Variants in CMTM8 observed in about 807,000 individuals in gnomAD.
The protein encoded by CMTM8 is CKLF-like MARVEL transmembrane domain-containing protein 8.
CMTM8 carries 12 observed loss-of-function variants against 18.6 expected under a neutral mutation model. The observed-to-expected ratio is 0.65, with a 90% CI of 0.41 to 1.05. CMTM8 has a LOEUF of 1.05. Among genes scored for constraint, CMTM8 ranks in the 50% least tolerant of loss-of-function variants. The pLI is 0.00. For missense variants in CMTM8, 217 were observed against 227.2 expected, an observed-to-expected ratio of 0.95 and a Z score of 0.29; for synonymous variants, 87 against 90.6, an observed-to-expected ratio of 0.96 and a Z score of 0.23.
intron 1 of CMTM8, among the ~76,000 whole-genome samples, chr3:32,283,590 A>T (rs1702636766): frequency 6.6e-6 from 1 of 152,214 alleles, no homozygotes; most frequent in Non-Finnish European, 1.5e-5. Flanking sequence ...CAGGCCGGGC[A>T]GTTGACCGTC....
chr3:32,293,472 C>T (rs1462189033), intron 1 of CMTM8, among the ~76,000 whole-genome samples: 2 of 152,102 alleles, frequency 1.3e-5, no homozygotes, highest in South Asian at 2.1e-4. Flanking sequence ...TGCTTGAATC[C>T]GGGAGGCGGA....
Position 32,370,073 on chromosome 3 carries a change from GT to G in CMTM8, c.*112del. 1 of 580,276 alleles carries G rather than the reference GT, an allele frequency of 1.7e-6. No homozygotes were observed. Among genetic ancestry groups the G allele is most frequent in the Non-Finnish European group, 2.9e-6 (1 of 346,508 alleles). 35.9% of individuals were successfully genotyped at this position (580,276 alleles called of 1,614,324 possible). On this transcript the variant is annotated 3_prime_UTR_variant, in exon 4 of 4. Coordinates refer to ENST00000307526, the MANE Select transcript of CMTM8 (RefSeq NM_178868.5). Reference sequence around the variant, plus strand: ...AGAGAATTGTATTTAACTAATTAATGTTTTTTATATTCTTAAATTTGCTCAC... The same window carrying G: ...AGAGAATTGTATTTAACTAATTAATGTTTTTATATTCTTAAATTTGCTCAC...
chr3:32,365,746 G>A (rs1461210320), intron 2 of CMTM8, among the ~76,000 whole-genome samples: 2 of 152,036 alleles, frequency 1.3e-5, no homozygotes, highest in East Asian at 3.9e-4. Flanking sequence ...TGCACCCAGC[G>A]GAATTTTTAA....
chr3:32,238,375 T>C (rs1052430307), upstream of CMTM8: 5 of 152,058 alleles, frequency 3.3e-5, no homozygotes, highest in African/African-American at 1.2e-4. Context: ...GGGGCCCCAA[T>C]GCCCGCAGCC....
chr3:32,355,651 C>A (rs977840866), intron 1 of CMTM8, among the ~76,000 whole-genome samples: 2 of 152,178 alleles, frequency 1.3e-5, no homozygotes, highest in African/African-American at 2.4e-5. Context: ...CTAGCCTAAT[C>A]TTAACATTCT....
intron 1 of CMTM8, among the ~76,000 whole-genome samples, chr3:32,307,533 C>T (rs1695739117): frequency 6.6e-6 from 1 of 151,966 alleles, no homozygotes; most frequent in South Asian, 2.1e-4. Context: ...GGGCAGCATT[C>T]AGTATAGGAG....
intron 1 of CMTM8, among the ~76,000 whole-genome samples, chr3:32,323,849 T>C (rs1696106779): frequency 6.6e-6 from 1 of 152,144 alleles, no homozygotes; most frequent in Non-Finnish European, 1.5e-5. Context: ...CACTATCAAG[T>C]TGTTGCAGAG....
intron 2 of CMTM8, among the ~76,000 whole-genome samples, chr3:32,359,588 TCAAAACAAAA>T (rs921213652): frequency 6.6e-6 from 1 of 152,066 alleles, no homozygotes; most frequent in Non-Finnish European, 1.5e-5. Context: ...AGACTCTGTC[TCAAAACAAAA>T]CAAAACAAAA....
intron 1 of CMTM8, among the ~76,000 whole-genome samples, chr3:32,337,145 T>A (rs1203564713): frequency 6.6e-6 from 1 of 152,170 alleles, no homozygotes; most frequent in Non-Finnish European, 1.5e-5. Context: ...AGCAGAGCCC[T>A]CATGATCCAA....
At chr3:32,298,906 CACACACATACACACACACAT>C in intron 1 of CMTM8, among the ~76,000 whole-genome samples, 1 of 137,468 alleles carries the variant, frequency 7.3e-6, no homozygotes, top group South Asian at 2.3e-4. Context: ...CATACACACA[CACACACATACACACACACAT>C]ATATATATAT....
At chr3:32,343,807 C>G (rs1696545922) in intron 1 of CMTM8, among the ~76,000 whole-genome samples, 1 of 152,188 alleles carries the variant, frequency 6.6e-6, no homozygotes, top group Non-Finnish European at 1.5e-5. Flanking sequence ...TCAAGTGATT[C>G]TCCTGCCTCA....
intron 1 of CMTM8, among the ~76,000 whole-genome samples, chr3:32,253,239 T>C (rs1702137026): frequency 6.6e-6 from 1 of 152,182 alleles, no homozygotes; most frequent in Non-Finnish European, 1.5e-5. Flanking sequence ...TATGTGCATA[T>C]GTAAAATCAG....
chr3:32,305,323 C>T (rs1188330854), intron 1 of CMTM8, among the ~76,000 whole-genome samples: 9 of 151,604 alleles, frequency 5.9e-5, no homozygotes, highest in South Asian at 4.2e-4. Flanking sequence ...CTCAGCCTCC[C>T]GGGTTCACGC....
At chr3:32,341,039 T>C (rs1458069006) in intron 1 of CMTM8, among the ~76,000 whole-genome samples, 1 of 152,246 alleles carries the variant, frequency 6.6e-6, no homozygotes, top group Admixed American at 6.5e-5. Flanking sequence ...ACTTAGATGT[T>C]TAAGCCATCA....
chr3:32,286,428 G>A (rs1702687814), intron 1 of CMTM8, among the ~76,000 whole-genome samples: 1 of 152,154 alleles, frequency 6.6e-6, no homozygotes, highest in Non-Finnish European at 1.5e-5. Context: ...CACACTGCTG[G>A]CCGCTGGGGT....
chr3:32,252,243 C>A (rs1702120519), intron 1 of CMTM8, among the ~76,000 whole-genome samples: 1 of 152,062 alleles, frequency 6.6e-6, no homozygotes, highest in Non-Finnish European at 1.5e-5. Context: ...ATTTCTTAAC[C>A]CTATCTTGTT....
rs753125314 is a variant in CMTM8, at chr3:32,357,537, G to C, written c.312G>C (p.Trp104Cys). 6.2e-6 allele frequency: 10 copies of C among 1,613,922 alleles called. No homozygotes were observed. Reference protein sequence around the residue: ...MTYTRIPQVPWTTVGLCFNGS... With the variant: ...MTYTRIPQVPCTTVGLCFNGS... ...ACACCAGGATTCCCCAGGTGCCCTG[G>C]ACAACAGTGGTAAGGAAGCTGTGGG... The change falls in exon 2 of 4, where the codon TGG (tryptophan) becomes TGC (cysteine). Residue 104 changes from tryptophan (W) to cysteine (C), a missense_variant. Physicochemically the swap from Trp to Cys is radical, Grantham distance 215. Transcript: ENST00000307526.
At chr3:32,337,554 A>G (rs1221418000) in intron 1 of CMTM8, among the ~76,000 whole-genome samples, 2 of 152,170 alleles carry the variant, frequency 1.3e-5, no homozygotes, top group African/African-American at 2.4e-5. Context: ...TCCTGAGAAG[A>G]TCTTGGATTG....
intron 1 of CMTM8, among the ~76,000 whole-genome samples, chr3:32,267,086 A>C (rs1702358618): frequency 6.6e-6 from 1 of 152,172 alleles, no homozygotes; most frequent in Non-Finnish European, 1.5e-5. Context: ...TCTTCACAGA[A>C]TTGGAAAAAA....
Sources: allele counts gnomAD v4.1 joint callset (sites outside exome capture counted in the v4.1 genomes callset), GRCh38; gene constraint gnomAD v4.1.1; transcripts MANE v1.5; gene names NCBI Gene and HGNC (gene_info 2026-07-23, HGNC 2026-07-21).